The following ARHGAP23 variants were observed in gnomAD, a reference collection of about 807,000 sequenced individuals.
ARHGAP23 encodes the protein rho GTPase-activating protein 23.
Under a neutral mutation model 136.3 loss-of-function variants are expected in ARHGAP23, and 34 were observed. That is an observed-to-expected ratio of 0.25 (90% CI 0.19 to 0.33). The LOEUF is 0.33. ARHGAP23 is among the 10% of genes least tolerant of loss of function. The probability of loss-of-function intolerance (pLI) is 1.00; values close to 1 mark genes in which losing one functional copy is unlikely to be tolerated. For missense variants in ARHGAP23, 1,808 were observed against 2,139.0 expected (o/e 0.85, Z 3.05); for synonymous variants, 832 against 920.5 (o/e 0.90, Z 1.74).
chr17:38,426,515 A>G (rs934273154), upstream of ARHGAP23, among the ~76,000 whole-genome samples: 9 of 142,540 alleles, frequency 6.3e-5, no homozygotes, highest in African/African-American at 1.6e-4. Context: ...GCACCATTGC[A>G]CTCCAGCCTG....
intron 23 of ARHGAP23, among the ~76,000 whole-genome samples, chr17:38,502,167 G>T (rs2040536741): frequency 6.6e-6 from 1 of 152,192 alleles, no homozygotes; most frequent in Non-Finnish European, 1.5e-5. Flanking sequence ...TTAGCTGGGT[G>T]TGGTGGCATG....
In ARHGAP23 at chr17:38,469,623, G is replaced by T; in HGVS notation, c.1904G>T (p.Gly635Val). Residue 635 changes from glycine to valine, a missense_variant, in exon 9 of 24, where the codon GGC (glycine) becomes GTC (valine). Around this residue, in one of 7 missense-constraint regions of ARHGAP23, gnomAD observed 859 missense variants for 936.4 expected, o/e 0.92. Coordinates refer to ENST00000622683, the MANE Select transcript of ARHGAP23 (RefSeq NM_001199417.2). ...DDGLNTFRDE[G>V]RVLRRLPNRI... is the part of the protein sequence containing the mutation. The stretch of plus-strand genomic sequence containing the variant: ...GGACTCAACACCTTCCGCGACGAGG[G>T]CCGGGTTCTGCGGTGAGGCCCTGTC... 6.5e-7 allele frequency: 1 copy of T among 1,548,730 alleles called. No homozygotes were observed. Among genetic ancestry groups the T allele is most frequent in the South Asian group, 1.2e-5 (1 of 83,952 alleles).
intron 6 of ARHGAP23, 74 bp from the exon 7 acceptor site, chr17:38,466,093 C>T (rs1483246996): frequency 1.9e-5 from 25 of 1,317,388 alleles, no homozygotes; most frequent in Admixed American, 3.3e-5. Context: ...GCTCCTTGAC[C>T]TCCTCGGGCT....
chr17:38,481,858 C>T (rs2040050590), intron 14 of ARHGAP23, among the ~76,000 whole-genome samples, 164 bp from the exon 15 acceptor site: 1 of 152,158 alleles, frequency 6.6e-6, no homozygotes, highest in Non-Finnish European at 1.5e-5. Flanking sequence ...AAGCATCCTC[C>T]CCTTCAGGCC....
chr17:38,467,168 C>T lies in ARHGAP23; in HGVS notation c.1485C>T (p.Pro495=), dbSNP rs1350009515. ...RGDEVVLRQK[P]PTGRKVQLTP... is the part of the protein sequence containing the mutation. ...ATGAGGTGGTCCTGAGGCAGAAGCC[C>T]CCGACGGGCCGCAAGGTTCAGCTGA... The change falls in exon 7 of 24, where the codon CCC becomes CCT. Residue 495 remains proline (P), a synonymous_variant. Transcript: ENST00000622683. 1.9e-6 allele frequency: 3 copies of T among 1,549,950 alleles called. No homozygotes were observed. In the South Asian group the frequency reaches 3.6e-5, roughly 18 times the overall value.
In ARHGAP23 at chr17:38,428,640, C is replaced by A. The variant is rs572917072; in HGVS notation, c.63+92C>A. The stretch of plus-strand genomic sequence containing the variant: ...GGTCGCTGCGACCCCGCTCGCCCTG[C>A]ACAGCCTGGGGCGCACGGTGGGCGC... On this transcript the variant is annotated intron_variant, in intron 1 of 23. Coordinates refer to ENST00000622683, the MANE Select transcript of ARHGAP23 (RefSeq NM_001199417.2). 602 of 889,988 alleles carry A rather than the reference C, an allele frequency of 6.8e-4. 4 individuals carry two copies. The Middle Eastern group carries it at 0.012, about 18-fold the overall frequency. 55.1% of individuals were successfully genotyped at this position (889,988 alleles called of 1,614,324 possible).
intron 20 of ARHGAP23, among the ~76,000 whole-genome samples, chr17:38,494,415 TG>T (rs1170652802): frequency 6.6e-6 from 1 of 152,080 alleles, no homozygotes; most frequent in East Asian, 1.9e-4. Flanking sequence ...CGGAGGTGAA[TG>T]GGAGCCTGCT....
intron 1 of ARHGAP23, among the ~76,000 whole-genome samples, chr17:38,442,286 C>T (rs1029037404): frequency 3.9e-5 from 6 of 152,080 alleles, no homozygotes; most frequent in East Asian, 3.9e-4. Flanking sequence ...CCAGCACCCC[C>T]GACTTCTGGA....
At chr17:38,486,255 T>C (rs1372605366) in intron 17 of ARHGAP23, 115 bp downstream of exon 17, 5 of 987,974 alleles carry the variant, frequency 5.1e-6, no homozygotes, top group African/African-American at 3.3e-5. Context: ...TTTGAGACAG[T>C]CTTGCTCTGT....
intron 1 of ARHGAP23, chr17:38,453,819 C>A (rs895719051): frequency 6.9e-6 from 1 of 144,116 alleles, no homozygotes; most frequent in South Asian, 2.1e-4. Flanking sequence ...CGGGGACCCC[C>A]GGGGCCCGCC....
intron 3 of ARHGAP23, among the ~76,000 whole-genome samples, 161 bp downstream of exon 3, chr17:38,461,093 T>A (rs2039450334): frequency 6.6e-6 from 1 of 152,180 alleles, no homozygotes; most frequent in Non-Finnish European, 1.5e-5. Flanking sequence ...TGGCCCCCTC[T>A]GGGCACCTCC....
Position 38,467,269 on chromosome 17 carries a change from T to G in ARHGAP23, c.1586T>G (p.Leu529Arg). The G allele has an allele frequency of 3.2e-6, 5 of 1,543,096 alleles. No homozygotes were observed. The highest frequency in any genetic ancestry group is 4.4e-6 in the Non-Finnish European group (5 of 1,143,304). ...EPEASGRGER[L>R]GRKVAPLATT... ...GAGGCCAGTGGGCGAGGGGAACGCC[T>G]GGGCAGGAAGGTGGCCCCTTTGGCC... Residue 529 changes from leucine (L) to arginine (R), a missense_variant, in exon 7 of 24, where the codon CTG becomes CGG. Physicochemically the swap from Leu to Arg is moderately radical, Grantham distance 102 (BLOSUM62 -2). Coordinates refer to ENST00000622683, the MANE Select transcript of ARHGAP23 (RefSeq NM_001199417.2).
At chr17:38,474,514 G>C (rs1467113229) in intron 11 of ARHGAP23, among the ~76,000 whole-genome samples, 1 of 152,142 alleles carries the variant, frequency 6.6e-6, no homozygotes, top group Non-Finnish European at 1.5e-5. Flanking sequence ...CTGGGCCATG[G>C]CATACTGGAG....
chr17:38,490,310 T>C (rs1597832057), intron 18 of ARHGAP23, 135 bp downstream of exon 18: 1 of 1,140,794 alleles, frequency 8.8e-7, no homozygotes, highest in Non-Finnish European at 1.3e-6. Flanking sequence ...AGGGCCTCAG[T>C]TTCCCCGTCC....
exon 1 of ARHGAP23, chr17:38,419,320 C>A (rs1008092950): frequency 6.6e-6 from 1 of 151,628 alleles, no homozygotes. Context: ...CCGGACAGGG[C>A]GCATGGAGGG....
Position 38,466,400 on chromosome 17 carries a change from C to A in ARHGAP23, c.717C>A (p.His239Gln), listed in dbSNP as rs1242497394. 3.9e-6 allele frequency: 6 copies of A among 1,534,142 alleles called. No homozygotes were observed. In the African/African-American group the frequency reaches 8.2e-5, roughly 21 times the overall value. The change falls in exon 7 of 24, where the codon CAC (histidine) becomes CAA (glutamine). Residue 239 changes from histidine (H) to glutamine (Q), a missense_variant. His to Gln is a conservative substitution (Grantham distance 24). Transcript: ENST00000622683. Reference sequence around the variant, plus strand: ...GTGTGCCACCTGCTGCCCGTGCCCACCTGGACAACTCTTCCTTGGGGATGA... The same window carrying A: ...GTGTGCCACCTGCTGCCCGTGCCCAACTGGACAACTCTTCCTTGGGGATGA... The part of the protein sequence containing the change: ...GLRVPPAARA[H>Q]LDNSSLGMSQ...
intron 23 of ARHGAP23, among the ~76,000 whole-genome samples, chr17:38,507,575 G>A (rs1396601117): frequency 2.0e-5 from 3 of 152,124 alleles, no homozygotes; most frequent in African/African-American, 4.8e-5. Flanking sequence ...GTCTGACCTC[G>A]TTGCTTCTGG....
chr17:38,470,647 C>T (rs1295235118), intron 10 of ARHGAP23, among the ~76,000 whole-genome samples: 1 of 151,186 alleles, frequency 6.6e-6, no homozygotes, highest in African/African-American at 2.4e-5. Context: ...AGCTATTCTC[C>T]TGCCTCAGCC....
chr17:38,510,158 T>C lies in ARHGAP23; in HGVS notation c.3662T>C (p.Val1221Ala), dbSNP rs1207562085. The change falls in exon 24 of 24, where the codon GTC becomes GCC. Residue 1221 changes from valine (V) to alanine (A), a missense_variant. Physicochemically the swap from Val to Ala is moderately conservative, Grantham distance 64. Around this residue, in one of 7 missense-constraint regions of ARHGAP23, gnomAD observed 506 missense variants for 455.8 expected, o/e 1.11. Transcript: ENST00000622683. This position sits in a 1 kb window ranked among gnomAD's most constrained non-coding sequence, Gnocchi z 4.6. ...ERPQGPLPGA[V>A]APEAPGRLSP... is the part of the protein sequence containing the mutation. ...CCGCAGGGGCCGCTGCCTGGCGCCG[T>C]CGCCCCCGAGGCCCCCGGACGCCTC... 6.2e-6 allele frequency: 8 copies of C among 1,283,962 alleles called. No homozygotes were observed. The highest frequency in any genetic ancestry group is 6.8e-6 in the Non-Finnish European group (7 of 1,024,394). 79.5% of individuals were successfully genotyped at this position (1,283,962 alleles called of 1,614,324 possible). A position where few individuals can be genotyped will look rare whatever the true frequency, so the allele number is the denominator to read the frequency against.
Sources: allele counts gnomAD v4.1 joint callset (sites outside exome capture counted in the v4.1 genomes callset), GRCh38; gene constraint gnomAD v4.1.1; regional missense constraint gnomAD v4.1.1; non-coding constraint Gnocchi (gnomAD v3.1); transcripts MANE v1.5; gene names NCBI Gene and HGNC (gene_info 2026-07-23, HGNC 2026-07-21).